MBNL2: variants seen among roughly 807,000 people sequenced by gnomAD.
MBNL2 encodes muscleblind-like protein 2.
In MBNL2, 17 loss-of-function variants were observed where a neutral mutation model predicts 41.9. That is an observed-to-expected ratio of 0.41 (90% CI 0.28 to 0.61). MBNL2 has a LOEUF of 0.61. MBNL2 is among the 20% of genes least tolerant of loss of function. The probability of loss-of-function intolerance (pLI) is 0.35; values close to 1 mark genes in which losing one functional copy is unlikely to be tolerated. For synonymous variants in MBNL2, 195 were observed against 182.9 expected, an observed-to-expected ratio of 1.07 and a Z score of -0.53; for missense variants, 336 against 505.6, an observed-to-expected ratio of 0.66 and a Z score of 3.22.
intron 2 of MBNL2, among the ~76,000 whole-genome samples, chr13:97,291,856 T>TTGC (rs1351618328): frequency 8.2e-6 from 1 of 121,830 alleles, no homozygotes; most frequent in Non-Finnish European, 1.6e-5. Context: ...GATCATGCCA[T>TTGC]TGCACTCCAG....
intron 8 of MBNL2, among the ~76,000 whole-genome samples, chr13:97,387,456 T>C (rs1284354705): frequency 6.6e-6 from 1 of 152,114 alleles, no homozygotes; most frequent in African/African-American, 2.4e-5. Flanking sequence ...CCAAACAGTC[T>C]CACTGTCTCC....
At chr13:97,316,614 T>C (rs2059079301) in intron 2 of MBNL2, among the ~76,000 whole-genome samples, 2 of 152,206 alleles carry the variant, frequency 1.3e-5, no homozygotes, top group Admixed American at 1.3e-4. Context: ...CCCTTAGTGC[T>C]GGCTGTTCTC....
At chr13:97,288,949 G>A (rs2055229801) in intron 2 of MBNL2, among the ~76,000 whole-genome samples, 1 of 152,142 alleles carries the variant, frequency 6.6e-6, no homozygotes, top group African/African-American at 2.4e-5. Flanking sequence ...GCCTGAGGTT[G>A]TACCCACACA....
At chr13:97,376,031 T>C (rs924608350) in intron 8 of MBNL2, among the ~76,000 whole-genome samples, 2 of 152,116 alleles carry the variant, frequency 1.3e-5, no homozygotes, top group Non-Finnish European at 2.9e-5. Flanking sequence ...ACAGGTTCCA[T>C]GAGAGGCTTG....
At chr13:97,257,155 C>CTT (rs1216914474) in intron 1 of MBNL2, among the ~76,000 whole-genome samples, 2 of 144,314 alleles carry the variant, frequency 1.4e-5, no homozygotes, top group Non-Finnish European at 1.5e-5. Flanking sequence ...CAGACCCTAC[C>CTT]TTTTTTTTTT....
chr13:97,216,384 A>C, the MBNL2 span, among the ~76,000 whole-genome samples: 2 of 152,106 alleles, frequency 1.3e-5, no homozygotes, highest in Admixed American at 1.3e-4. Context: ...GATTTGGTTT[A>C]TACATGAAAT....
At chr13:97,193,438 T>C in the MBNL2 span, among the ~76,000 whole-genome samples, 2 of 152,078 alleles carry the variant, frequency 1.3e-5, no homozygotes, top group African/African-American at 4.8e-5. Context: ...AGATTAAAGT[T>C]GACAAATGGG....
At chr13:97,374,792 C>A (rs2064807378) in intron 8 of MBNL2, among the ~76,000 whole-genome samples, 4 of 152,136 alleles carry the variant, frequency 2.6e-5, no homozygotes. Flanking sequence ...AATCATGTTC[C>A]ATTTCTCCAA....
chr13:97,213,215 G>A, the MBNL2 span, among the ~76,000 whole-genome samples: 1 of 152,154 alleles, frequency 6.6e-6, no homozygotes, highest in African/African-American at 2.4e-5. Flanking sequence ...GACAAAGAAA[G>A]ATCTAGAAGC....
At chr13:97,375,724 A>G (rs1449219422) in intron 8 of MBNL2, among the ~76,000 whole-genome samples, 3 of 152,206 alleles carry the variant, frequency 2.0e-5, no homozygotes, top group Non-Finnish European at 4.4e-5. Context: ...TTTGAAGTCA[A>G]TGCTTTTCCC....
At chr13:97,190,029 C>T in the MBNL2 span, among the ~76,000 whole-genome samples, 1 of 152,206 alleles carries the variant, frequency 6.6e-6, no homozygotes, top group Admixed American at 6.5e-5. Flanking sequence ...GAGTTCAAAC[C>T]ACGAGTGTCA....
intron 8 of MBNL2, among the ~76,000 whole-genome samples, chr13:97,374,892 A>T (rs1369561615): frequency 5.3e-5 from 8 of 152,188 alleles, no homozygotes; most frequent in African/African-American, 1.9e-4. Context: ...GGAAAGAGAG[A>T]CTAGCTACAG....
rs79809627 is a variant in MBNL2, at chr13:97,330,861, A to T, written c.175-3415A>T. Among the ~76,000 whole-genome samples, 1,083 of 152,312 alleles carry T rather than the reference A, an allele frequency of 7.1e-3. 17 individuals are homozygous for T. The highest frequency in any genetic ancestry group is 0.025 in the African/African-American group (1,033 of 41,554). On this transcript the variant is annotated intron_variant, in intron 2 of 8. Transcript: ENST00000679496. The stretch of plus-strand genomic sequence containing the variant: ...CCATTACTAAAATTCTGTTACGTAG[A>T]GTCTCCGAGGGTTTGAATTAGTGTG...
chr13:97,236,389 AT>A (rs1438568554), intron 1 of MBNL2, among the ~76,000 whole-genome samples: 2 of 152,002 alleles, frequency 1.3e-5, no homozygotes, highest in East Asian at 3.9e-4. Flanking sequence ...TGGGGGTGGT[AT>A]CTGAAAGGTT....
intron 2 of MBNL2, among the ~76,000 whole-genome samples, chr13:97,302,547 C>T (rs114822790): frequency 3.4e-4 from 52 of 152,340 alleles, no homozygotes; most frequent in African/African-American, 1.2e-3. Flanking sequence ...CCTTAATCCT[C>T]ACAACTAACC....
chr13:97,270,621 T>C (rs926235273), intron 1 of MBNL2, among the ~76,000 whole-genome samples: 23 of 152,364 alleles, frequency 1.5e-4, no homozygotes, highest in African/African-American at 4.1e-4. Context: ...TCAGTTTCAC[T>C]AGCCACAATT....
intron 1 of MBNL2, among the ~76,000 whole-genome samples, chr13:97,256,987 T>A (rs1019422956): frequency 6.6e-5 from 10 of 152,196 alleles, no homozygotes; most frequent in African/African-American, 2.4e-4. Context: ...TCATCGTTAG[T>A]TAAAAAGAGA....
At chr13:97,322,569 A>G (rs2059594726) in intron 2 of MBNL2, among the ~76,000 whole-genome samples, 1 of 152,198 alleles carries the variant, frequency 6.6e-6, no homozygotes, top group African/African-American at 2.4e-5. Context: ...AGTCTATGGT[A>G]AGGCAAGAAG....
At chr13:97,191,017 A>T in the MBNL2 span, among the ~76,000 whole-genome samples, 3 of 152,164 alleles carry the variant, frequency 2.0e-5, no homozygotes. Context: ...TAAAAAAAAA[A>T]ATCATTTACT....
Sources: allele counts gnomAD v4.1 joint callset (sites outside exome capture counted in the v4.1 genomes callset), GRCh38; gene constraint gnomAD v4.1.1; transcripts MANE v1.5; gene names NCBI Gene and HGNC (gene_info 2026-07-23, HGNC 2026-07-21).